The following DNAH11 variants were observed in gnomAD, a reference collection of about 807,000 sequenced individuals.
The protein encoded by DNAH11 is dynein axonemal heavy chain 11.
Under a neutral mutation model 526.0 loss-of-function variants are expected in DNAH11, and 442 were observed. That is an observed-to-expected ratio of 0.84 (90% CI 0.78 to 0.91). DNAH11 has a LOEUF of 0.91. DNAH11 is among the 40% of genes least tolerant of loss of function. The pLI is 0.00. For synonymous variants in DNAH11, 2,461 were observed against 1,935.9 expected (o/e 1.27, Z -7.12); for missense variants, 6,989 against 5,448.7 (o/e 1.28, Z -8.90).
Position 21,543,356 on chromosome 7 carries a change from G to A in DNAH11, c.111G>A (p.Glu37=). Residue 37 remains glutamate, a synonymous_variant, in exon 1 of 82, where the codon GAG becomes GAA. Transcript: ENST00000409508. Reference sequence around the variant, plus strand: ...CAGTGGGCGCTGTGGAGCTCGAGGAGGAGGAGGAGAACGAGGAGGAGGCGG... The same window carrying A: ...CAGTGGGCGCTGTGGAGCTCGAGGAAGAGGAGGAGAACGAGGAGGAGGCGG... The part of the protein sequence containing the change: ...LEAVGAVELE[E]EEENEEEAAA... 1 of 1,551,378 alleles carries A rather than the reference G, an allele frequency of 6.4e-7. No individual in the cohort carries two copies. Among genetic ancestry groups the A allele is most frequent in the Non-Finnish European group, 8.7e-7 (1 of 1,146,746 alleles).
At chr7:21,685,591 G>A (rs1201107976) in intron 32 of DNAH11, among the ~76,000 whole-genome samples, 1 of 152,166 alleles carries the variant, frequency 6.6e-6, no homozygotes, top group African/African-American at 2.4e-5. Flanking sequence ...TGTGAGGTAG[G>A]CAGGGGAGAT....
At chr7:21,704,836 T>A (rs567761454) in intron 38 of DNAH11, among the ~76,000 whole-genome samples, 1 of 152,230 alleles carries the variant, frequency 6.6e-6, no homozygotes, top group South Asian at 2.1e-4. Flanking sequence ...AACATAGATA[T>A]GATTTTCATG....
chr7:21,842,837 C>A (rs1215705470), intron 66 of DNAH11, 89 bp downstream of exon 66: 9 of 1,170,730 alleles, frequency 7.7e-6, no homozygotes, highest in Non-Finnish European at 1.2e-6. Context: ...AAATAGGATT[C>A]CTGCCCTCTA....
chr7:21,837,623 G>A (rs759441748), intron 65 of DNAH11, among the ~76,000 whole-genome samples: 11 of 152,078 alleles, frequency 7.2e-5, no homozygotes, highest in Admixed American at 2.6e-4. Context: ...AAAATTGCCC[G>A]TTGATCATTT....
At chr7:21,871,758 A>G (rs912985179) in intron 73 of DNAH11, among the ~76,000 whole-genome samples, 7 of 151,900 alleles carry the variant, frequency 4.6e-5, no homozygotes, top group African/African-American at 1.5e-4. Flanking sequence ...CCGTGTCTTC[A>G]TGTGATTTGT....
At chr7:21,887,283 G>A (rs976196914) in intron 76 of DNAH11, among the ~76,000 whole-genome samples, 5 of 152,164 alleles carry the variant, frequency 3.3e-5, no homozygotes, top group African/African-American at 1.2e-4. Flanking sequence ...GTTCTCCAGT[G>A]GGCTTTAGAG....
chr7:21,826,329 C>T (rs1490989730), intron 65 of DNAH11, among the ~76,000 whole-genome samples: 1 of 151,828 alleles, frequency 6.6e-6, no homozygotes, highest in African/African-American at 2.4e-5. Context: ...CATACATATG[C>T]AAAGTAGGAG....
chr7:21,836,855 A>G (rs1290665555), intron 65 of DNAH11, among the ~76,000 whole-genome samples: 1 of 152,174 alleles, frequency 6.6e-6, no homozygotes, highest in South Asian at 2.1e-4. Flanking sequence ...CTGACAGTCA[A>G]GAGCTTAATA....
At chr7:21,816,845 G>A (rs1789818378) in intron 64 of DNAH11, 143 bp downstream of exon 64, 1 of 689,402 alleles carries the variant, frequency 1.5e-6, no homozygotes, top group African/African-American at 1.8e-5. Flanking sequence ...GCCTGTTCAT[G>A]TTTCATATAA....
At chr7:21,657,314 C>T (rs910055006) in intron 29 of DNAH11, among the ~76,000 whole-genome samples, 1 of 152,016 alleles carries the variant, frequency 6.6e-6, no homozygotes, top group Non-Finnish European at 1.5e-5. Flanking sequence ...CCCTTGTCTT[C>T]GAGGAGCTCT....
intron 63 of DNAH11, among the ~76,000 whole-genome samples, chr7:21,811,485 A>C (rs1447417023): frequency 6.6e-6 from 1 of 152,080 alleles, no homozygotes; most frequent in Non-Finnish European, 1.5e-5. Context: ...CAAAAGGACA[A>C]ATACTTCAAA....
At chr7:21,651,380 T>G (rs889726183) in intron 28 of DNAH11, among the ~76,000 whole-genome samples, 5 of 152,086 alleles carry the variant, frequency 3.3e-5, no homozygotes, top group African/African-American at 7.2e-5. Flanking sequence ...TTATTTTTTT[T>G]GAGACAGAGT....
intron 68 of DNAH11, among the ~76,000 whole-genome samples, chr7:21,857,547 A>C (rs1782899665): frequency 6.6e-6 from 1 of 150,620 alleles, no homozygotes; most frequent in Non-Finnish European, 1.5e-5. Flanking sequence ...AAAAAAAAAC[A>C]GGGTTGGAAG....
chr7:21,809,945 T>C (rs766475657), intron 63 of DNAH11, among the ~76,000 whole-genome samples: 1 of 152,170 alleles, frequency 6.6e-6, no homozygotes, highest in Non-Finnish European at 1.5e-5. Flanking sequence ...ACATAAAAAT[T>C]AATTATGTAA....
At chr7:21,543,970 T>C (rs965352424) in intron 1 of DNAH11, among the ~76,000 whole-genome samples, 2 of 152,082 alleles carry the variant, frequency 1.3e-5, no homozygotes, top group Admixed American at 6.6e-5. Context: ...TCACATCCTT[T>C]AAAAAATGGG....
At chr7:21,578,040 AC>A (rs766647355) in intron 8 of DNAH11, among the ~76,000 whole-genome samples, 62 of 152,292 alleles carry the variant, frequency 4.1e-4, no homozygotes, top group Admixed American at 2.1e-3. Flanking sequence ...CAGGAAACTT[AC>A]AATCATGATG....
intron 1 of DNAH11, chr7:21,543,847 C>G: frequency 1.9e-6 from 1 of 536,408 alleles, no homozygotes; most frequent in South Asian, 2.6e-5. Flanking sequence ...GCCTGTTCGA[C>G]CAGGATAACC....
chr7:21,814,345 A>ATTTT (rs200898723), intron 63 of DNAH11, among the ~76,000 whole-genome samples: 6 of 100,620 alleles, frequency 6.0e-5, no homozygotes, highest in Admixed American at 4.5e-4. Flanking sequence ...TTATTTATTT[A>ATTTT]TTTATTTTTT....
In DNAH11 at chr7:21,600,733, G is replaced by GTGGTGAA; in HGVS notation, c.3061_3067dup (p.Val1023GlyfsTer24). ...GGTCAGGCAGGAGATCATGAACAGA[G>GTGGTGAA]TGGTGAATGTCATCAACAAAGTCTT... On this transcript the variant is annotated frameshift_variant, in exon 16 of 82. Coordinates refer to ENST00000409508, the MANE Select transcript of DNAH11 (RefSeq NM_001277115.2). LOFTEE classifies it high-confidence loss of function. 1 of 1,613,860 alleles carries GTGGTGAA rather than the reference G, an allele frequency of 6.2e-7. No individual in the cohort carries two copies. The highest frequency in any genetic ancestry group is 8.5e-7 in the Non-Finnish European group (1 of 1,179,828).
Sources: gnomAD v4.1 joint callset for allele counts (sites outside exome capture counted in the v4.1 genomes callset) on GRCh38, gnomAD v4.1.1 for gene constraint, MANE v1.5 for transcripts, NCBI Gene and HGNC (gene_info 2026-07-23, HGNC 2026-07-21) for gene names.